TAF1B: variants seen among roughly 807,000 people sequenced by gnomAD.
TAF1B encodes the protein TATA box-binding protein-associated factor RNA polymerase I subunit B.
In TAF1B, 61 loss-of-function variants were observed where a neutral mutation model predicts 83.9. The observed-to-expected ratio is 0.73, with a 90% CI of 0.59 to 0.90. TAF1B has a LOEUF of 0.90. Among genes scored for constraint, TAF1B ranks in the 40% least tolerant of loss-of-function variants. The pLI, the probability that TAF1B is intolerant of heterozygous loss-of-function variation, is 0.00. For missense variants in TAF1B, 625 were observed against 677.0 expected, an observed-to-expected ratio of 0.92 and a Z score of 0.85; for synonymous variants, 221 against 224.6, an observed-to-expected ratio of 0.98 and a Z score of 0.14.
intron 5 of TAF1B, among the ~76,000 whole-genome samples, chr2:9,866,556 T>TA (rs1663982198): frequency 1.3e-5 from 2 of 152,202 alleles, no homozygotes; most frequent in African/African-American, 4.8e-5. Flanking sequence ...GAACTAGAAA[T>TA]ACCATTTGAC....
chr2:9,928,832 C>T (rs1258086051), intron 14 of TAF1B, among the ~76,000 whole-genome samples: 1 of 152,146 alleles, frequency 6.6e-6, no homozygotes, highest in East Asian at 1.9e-4. Context: ...TCCTCTTCTC[C>T]TAATTGAATA....
intron 8 of TAF1B, among the ~76,000 whole-genome samples, chr2:9,902,133 A>G (rs1465694313): frequency 6.6e-6 from 1 of 152,150 alleles, no homozygotes; most frequent in Non-Finnish European, 1.5e-5. Context: ...TTAACAGTGT[A>G]ATTGTCTCCG....
chr2:9,877,584 G>T (rs902319485), intron 7 of TAF1B, among the ~76,000 whole-genome samples: 5 of 151,954 alleles, frequency 3.3e-5, no homozygotes, highest in Admixed American at 6.6e-5. Flanking sequence ...CTGTAATCTT[G>T]TGTCATTTCT....
chr2:9,878,590 G>A (rs1180741721), intron 7 of TAF1B, among the ~76,000 whole-genome samples: 1 of 152,174 alleles, frequency 6.6e-6, no homozygotes, highest in Admixed American at 6.5e-5. Context: ...CAAATAGCCT[G>A]TAAGGGACCC....
intron 4 of TAF1B, among the ~76,000 whole-genome samples, chr2:9,852,680 T>TG (rs1663435122): frequency 6.6e-6 from 1 of 152,144 alleles, no homozygotes; most frequent in East Asian, 1.9e-4. Context: ...TTAGTATAGA[T>TG]GGGGTTTCAC....
intron 9 of TAF1B, 136 bp downstream of exon 9, chr2:9,905,142 T>G: frequency 1.5e-6 from 1 of 678,860 alleles, no homozygotes; most frequent in Non-Finnish European, 2.3e-6. Context: ...AATGTCAAAA[T>G]CCTTTCTTAA....
chr2:9,895,263 G>T (rs1292846747), intron 8 of TAF1B, among the ~76,000 whole-genome samples: 3 of 152,232 alleles, frequency 2.0e-5, no homozygotes, highest in Non-Finnish European at 4.4e-5. Context: ...ACTTTGGGAA[G>T]CTGAGGCGGG....
Position 9,851,727 on chromosome 2 carries a change from G to A in TAF1B, c.303+89G>A, listed in dbSNP as rs116177682. ...TAGTGGAACTAAGGAGAAATCAGTAGTAACACTAGGGCTACTGGAAGAATA... is the reference window on the plus strand; with the variant it reads ...TAGTGGAACTAAGGAGAAATCAGTAATAACACTAGGGCTACTGGAAGAATA... On this transcript the variant is annotated intron_variant, in intron 4 of 14. Transcript: ENST00000263663. The A allele has an allele frequency of 3.1e-4, 322 of 1,033,686 alleles. No individual in the cohort carries two copies. The African/African-American group carries it at 4.6e-3, about 15-fold the overall frequency. 64.0% of individuals were successfully genotyped at this position (1,033,686 alleles called of 1,614,324 possible).
At position 9,890,018 on chromosome 2, in the gene TAF1B, T is replaced by G. The variant is rs115124147; in HGVS notation, c.807+7213T>G. 4.3e-3 allele frequency among the ~76,000 whole-genome samples: 594 copies of G among 137,446 alleles called. 3 individuals carry two copies. The highest frequency in any genetic ancestry group is 0.014 in the African/African-American group (553 of 40,698). The allele number at this position is 137,446 out of a possible 152,430, so 90.2% of individuals were successfully genotyped here. On this transcript the variant is annotated intron_variant, in intron 8 of 14. Coordinates refer to ENST00000263663, the MANE Select transcript of TAF1B (RefSeq NM_005680.3). ...ACACATGAGAGGGCCCCTTTGCAGGTCTCTGGATCTCTCTGTCTATGCAAT... is the reference window on the plus strand; with the variant it reads ...ACACATGAGAGGGCCCCTTTGCAGGGCTCTGGATCTCTCTGTCTATGCAAT...
At chr2:9,845,060 T>C (rs1471339854) in intron 1 of TAF1B, among the ~76,000 whole-genome samples, 160 bp from the exon 2 acceptor site, 1 of 152,196 alleles carries the variant, frequency 6.6e-6, no homozygotes, top group Non-Finnish European at 1.5e-5. Flanking sequence ...ATACCGCGCC[T>C]CTCCTTGTTT....
chr2:9,855,073 C>T (rs1015043944), intron 5 of TAF1B, among the ~76,000 whole-genome samples: 1 of 152,178 alleles, frequency 6.6e-6, no homozygotes, highest in Admixed American at 6.5e-5. Context: ...TGGCTCACTG[C>T]AACCTCTGCC....
At chr2:9,919,474 T>G (rs1382161095) in intron 13 of TAF1B, 124 bp from the exon 14 acceptor site, 2 of 780,264 alleles carry the variant, frequency 2.6e-6, no homozygotes, top group Non-Finnish European at 4.2e-6. Flanking sequence ...CCTGTTACAT[T>G]ACTGTGGTAC....
chr2:9,909,691 A>G (rs1184958205), intron 9 of TAF1B, among the ~76,000 whole-genome samples: 1 of 152,246 alleles, frequency 6.6e-6, no homozygotes, highest in Non-Finnish European at 1.5e-5. Context: ...ATTGGAAAGC[A>G]GTCAGCACTG....
chr2:9,848,383 G>T (rs543247870), intron 2 of TAF1B, among the ~76,000 whole-genome samples: 1 of 152,168 alleles, frequency 6.6e-6, no homozygotes, highest in East Asian at 1.9e-4. Context: ...CTCAATAATG[G>T]GGGCTGGGCA....
intron 8 of TAF1B, among the ~76,000 whole-genome samples, chr2:9,888,931 G>A (rs751679034): frequency 2.0e-5 from 3 of 149,806 alleles, no homozygotes; most frequent in Non-Finnish European, 3.0e-5. Flanking sequence ...AGTCTCCTGA[G>A]TATCTGGGAT....
At chr2:9,868,472 T>G (rs773376124) in intron 6 of TAF1B, 43 bp downstream of exon 6, 1 of 1,584,354 alleles carries the variant, frequency 6.3e-7, no homozygotes, top group Non-Finnish European at 8.6e-7. Flanking sequence ...AAAGCTGTTA[T>G]GCCCCTTAAA....
At chr2:9,850,546 G>T (rs1663353137) in intron 3 of TAF1B, among the ~76,000 whole-genome samples, 1 of 152,200 alleles carries the variant, frequency 6.6e-6, no homozygotes, top group Non-Finnish European at 1.5e-5. Flanking sequence ...AAGGAATTGG[G>T]TTAGTTAGCA....
At chr2:9,862,105 C>T (rs149130522) in intron 5 of TAF1B, among the ~76,000 whole-genome samples, 9 of 152,222 alleles carry the variant, frequency 5.9e-5, no homozygotes, top group East Asian at 3.9e-4. Flanking sequence ...ATGACATTGA[C>T]GAGTCGAGAG....
At chr2:9,888,790 G>GTTTTTTTT (rs56125595) in intron 8 of TAF1B, among the ~76,000 whole-genome samples, 5 of 81,656 alleles carry the variant, frequency 6.1e-5, no homozygotes, top group African/African-American at 2.3e-4. Context: ...CTTCTGCTTG[G>GTTTTTTTT]TTTTTTTTTT....
Sources: allele counts gnomAD v4.1 joint callset (sites outside exome capture counted in the v4.1 genomes callset), GRCh38; gene constraint gnomAD v4.1.1; transcripts MANE v1.5; gene names NCBI Gene and HGNC (gene_info 2026-07-23, HGNC 2026-07-21).